Variants in DHRSX observed in about 807,000 individuals in gnomAD.
The protein encoded by DHRSX is dehydrogenase/reductase X-linked.
A neutral mutation model predicts 34.0 loss-of-function variants in DHRSX; 31 were observed. The observed-to-expected ratio is 0.91, with a 90% CI of 0.69 to 1.23. The LOEUF (loss-of-function observed/expected upper bound fraction) is 1.23. DHRSX is among the 50% of genes most tolerant of loss of function. DHRSX has a pLI of 0.00. For synonymous variants in DHRSX, 201 were observed against 183.8 expected (o/e 1.09, Z -0.76); for missense variants, 414 against 428.1 (o/e 0.97, Z 0.29).
chrX:2,291,191 G>A (rs761411424), intron 4 of DHRSX, among the ~76,000 whole-genome samples: 1 of 152,298 alleles, frequency 6.6e-6, no homozygotes, highest in African/African-American at 2.4e-5. Context: ...TGATGGTTTT[G>A]TAAGATAACA....
At chrX:2,456,239 C>T (rs1441657705) in intron 1 of DHRSX, among the ~76,000 whole-genome samples, 1 of 152,114 alleles carries the variant, frequency 6.6e-6, no homozygotes, top group Non-Finnish European at 1.5e-5. Context: ...GGGACAAAGT[C>T]GACACCACAT....
At chrX:2,313,032 C>T (rs1328481179) in intron 3 of DHRSX, among the ~76,000 whole-genome samples, 6 of 148,100 alleles carry the variant, frequency 4.1e-5, no homozygotes, top group South Asian at 2.1e-4. Context: ...GATGGAGTTT[C>T]GCTCTTGTTG....
At chrX:2,335,184 C>CAA (rs34503888) in intron 3 of DHRSX, among the ~76,000 whole-genome samples, 77 of 116,476 alleles carry the variant, frequency 6.6e-4, no homozygotes, top group Non-Finnish European at 8.9e-4. Flanking sequence ...GACTCCATCT[C>CAA]AAAAAAAAAA....
chrX:2,221,667 G>A (rs1482308273), intron 6 of DHRSX, among the ~76,000 whole-genome samples: 1 of 152,154 alleles, frequency 6.6e-6, no homozygotes, highest in East Asian at 1.9e-4. Context: ...AATTCAGCAA[G>A]GCATGCTACA....
Position 2,496,222 on chromosome X carries a change from G to A in DHRSX, c.109+4595C>T, listed in dbSNP as rs762214281. Among the ~76,000 whole-genome samples the A allele has an allele frequency of 1.3e-4, 19 of 151,912 alleles. 1 individual carries two copies. The highest frequency in any genetic ancestry group is 8.5e-4 in the Admixed American group (13 of 15,260). ...TTTGTTTTTTTGGTTTTTTTGAGAC[G>A]GAGTCTCGCCCTGTTGCCCAGGCTT... is the stretch of plus-strand genomic sequence containing the variant. On this transcript the variant is annotated intron_variant, in intron 1 of 6. Coordinates refer to ENST00000334651, the MANE Select transcript of DHRSX (RefSeq NM_145177.3).
intron 1 of DHRSX, among the ~76,000 whole-genome samples, chrX:2,477,909 C>T (rs1341776680): frequency 6.6e-6 from 1 of 152,070 alleles, no homozygotes; most frequent in African/African-American, 2.4e-5. Flanking sequence ...AAGCCCCTTC[C>T]ACCCCGGGCC....
At chrX:2,307,891 C>T (rs1292471014) in intron 3 of DHRSX, among the ~76,000 whole-genome samples, 2 of 151,944 alleles carry the variant, frequency 1.3e-5, no homozygotes, top group South Asian at 2.1e-4. Context: ...CACAGGAAAT[C>T]GTACTTGCTA....
chrX:2,309,770 G>T (rs1316694344), intron 3 of DHRSX, among the ~76,000 whole-genome samples: 1 of 152,090 alleles, frequency 6.6e-6, no homozygotes, highest in Non-Finnish European at 1.5e-5. Flanking sequence ...AAAATTATCT[G>T]AGTGTGGTGG....
intron 1 of DHRSX, among the ~76,000 whole-genome samples, chrX:2,470,197 G>C (rs1419867507): frequency 2.0e-5 from 3 of 150,664 alleles, no homozygotes; most frequent in Non-Finnish European, 2.9e-5. Context: ...AAAGCTGAAC[G>C]CATAAACGCA....
At chrX:2,378,232 C>T (rs1245341977) in intron 3 of DHRSX, among the ~76,000 whole-genome samples, 1 of 152,238 alleles carries the variant, frequency 6.6e-6, no homozygotes, top group Non-Finnish European at 1.5e-5. Flanking sequence ...CCTGCCTTGG[C>T]TGTGGACTTC....
At chrX:2,360,438 C>G (rs1460714690) in intron 3 of DHRSX, among the ~76,000 whole-genome samples, 2 of 152,012 alleles carry the variant, frequency 1.3e-5, no homozygotes, top group African/African-American at 4.8e-5. Flanking sequence ...CAAAAATGAG[C>G]CAGGTGTGGT....
intron 3 of DHRSX, among the ~76,000 whole-genome samples, chrX:2,329,333 A>G (rs1340566986): frequency 6.6e-6 from 1 of 152,164 alleles, no homozygotes; most frequent in East Asian, 1.9e-4. Flanking sequence ...GAAGGAACCT[A>G]TGAATCAGTG....
At chrX:2,259,289 GATAGATATATAGATATAGAT>G (rs1186067334) in intron 5 of DHRSX, among the ~76,000 whole-genome samples, 3 of 145,222 alleles carry the variant, frequency 2.1e-5, no homozygotes, top group Non-Finnish European at 4.5e-5. Context: ...AAAATATATA[GATAGATATATAGATATAGAT>G]ATAGATATAT....
chrX:2,344,229 A>G (rs1374260655), intron 3 of DHRSX, among the ~76,000 whole-genome samples: 1 of 152,162 alleles, frequency 6.6e-6, no homozygotes, highest in African/African-American at 2.4e-5. Context: ...ATTTTATTAC[A>G]TTTTCTCTGA....
At chrX:2,411,113 T>C (rs2043621644) in intron 2 of DHRSX, among the ~76,000 whole-genome samples, 1 of 152,052 alleles carries the variant, frequency 6.6e-6, no homozygotes, top group Non-Finnish European at 1.5e-5. Flanking sequence ...AAAGAAAGGA[T>C]AAAAAAATTC....
chrX:2,454,527 C>CAAAA (rs10641325), intron 1 of DHRSX, among the ~76,000 whole-genome samples: 3 of 137,790 alleles, frequency 2.2e-5, no homozygotes, highest in Admixed American at 7.4e-5. Flanking sequence ...AACTCCGTCT[C>CAAAA]AAAAAAAAAA....
At chrX:2,319,542 C>CAAA (rs776261461) in intron 3 of DHRSX, among the ~76,000 whole-genome samples, 19 of 107,276 alleles carry the variant, frequency 1.8e-4, no homozygotes, top group South Asian at 7.0e-4. Context: ...GACTCCATCT[C>CAAA]AAAAAAAAAA....
chrX:2,391,914 G>A (rs1483480893), intron 3 of DHRSX, among the ~76,000 whole-genome samples: 2 of 151,838 alleles, frequency 1.3e-5, no homozygotes, highest in Non-Finnish European at 2.9e-5. Flanking sequence ...GTGACAGAGC[G>A]AAATTCCGAC....
chrX:2,232,638 T>C (rs1444442906), intron 6 of DHRSX, among the ~76,000 whole-genome samples: 1 of 152,014 alleles, frequency 6.6e-6, no homozygotes, highest in Admixed American at 6.6e-5. Flanking sequence ...AGTGGCATGA[T>C]CTTGGCTCAC....
Sources: allele counts gnomAD v4.1 joint callset (sites outside exome capture counted in the v4.1 genomes callset), GRCh38; gene constraint gnomAD v4.1.1; transcripts MANE v1.5; gene names NCBI Gene and HGNC (gene_info 2026-07-23, HGNC 2026-07-21).